SPDYE10: variants seen among roughly 807,000 people sequenced by gnomAD.
The protein encoded by SPDYE10 is speedy protein E10.
the SPDYE10 span, among the ~76,000 whole-genome samples, chr7:73,127,927 C>T: frequency 7.3e-6 from 1 of 136,660 alleles, no homozygotes; most frequent in African/African-American, 2.9e-5. Flanking sequence ...TCACCACCCT[C>T]TTATCCCAAC....
chr7:73,116,946 A>T, the SPDYE10 span, among the ~76,000 whole-genome samples: 1 of 150,568 alleles, frequency 6.6e-6, no homozygotes, highest in Non-Finnish European at 1.5e-5. Context: ...CCCAGGCTGG[A>T]GTGCAGTGGT....
chr7:73,137,630 G>GAAAGAAAGAAAGAAAGAAAGAAAGAAAGA, the SPDYE10 span, among the ~76,000 whole-genome samples: 5 of 136,540 alleles, frequency 3.7e-5, no homozygotes. Flanking sequence ...AAGAAAGAAA[G>GAAAGAAAGAAAGAAAGAAAGAAAGAAAGA]AAAGAAAGAA....
chr7:73,150,731 C>CA, the SPDYE10 span, among the ~76,000 whole-genome samples: 2 of 95,364 alleles, frequency 2.1e-5, no homozygotes, highest in Non-Finnish European at 4.1e-5. Context: ...CAAAAACAAA[C>CA]AAAAAAATAC....
chr7:73,104,322 TAATA>T, the SPDYE10 span: 1 of 99,254 alleles, frequency 1.0e-5, no homozygotes, highest in East Asian at 2.2e-4. Context: ...GCACGTGTAA[TAATA>T]GATACAAAGA....
the SPDYE10 span, among the ~76,000 whole-genome samples, chr7:73,149,477 C>T: frequency 1.0e-4 from 15 of 144,404 alleles, no homozygotes; most frequent in East Asian, 4.1e-4. Flanking sequence ...TCAGTAGAGA[C>T]GGGGTTTCAC....
At chr7:73,135,302 C>G in the SPDYE10 span, among the ~76,000 whole-genome samples, 12,190 of 133,984 alleles carry the variant, frequency 0.091, no homozygotes, top group Non-Finnish European at 0.14. Flanking sequence ...GACACACACC[C>G]GTTTCCTTCC....
At chr7:73,138,080 T>C in the SPDYE10 span, among the ~76,000 whole-genome samples, 1 of 152,252 alleles carries the variant, frequency 6.6e-6, no homozygotes, top group Non-Finnish European at 1.5e-5. Context: ...GGCACAGAGC[T>C]AGAAAAGAAG....
the SPDYE10 span, among the ~76,000 whole-genome samples, chr7:73,137,909 A>C: frequency 1.6e-5 from 2 of 124,054 alleles, no homozygotes; most frequent in Non-Finnish European, 3.3e-5. Flanking sequence ...GGGGAGGGGA[A>C]GGGAAGGGGA....
the SPDYE10 span, among the ~76,000 whole-genome samples, chr7:73,130,112 G>A: frequency 6.7e-6 from 1 of 149,848 alleles, no homozygotes; most frequent in Non-Finnish European, 1.5e-5. Context: ...CCAAAGTGTT[G>A]GGATTACAGG....
chr7:73,144,738 CA>C, the SPDYE10 span, among the ~76,000 whole-genome samples: 168 of 85,018 alleles, frequency 2.0e-3, no homozygotes, highest in Non-Finnish European at 1.7e-3. Context: ...GACCCTGTCT[CA>C]AAAAAAAAAA....
the SPDYE10 span, among the ~76,000 whole-genome samples, chr7:73,152,028 T>C: frequency 1.3e-5 from 2 of 151,594 alleles, no homozygotes; most frequent in African/African-American, 4.9e-5. Context: ...GTTTTTTTTT[T>C]TTTTGAGGCA....
At chr7:73,145,350 T>C in the SPDYE10 span, among the ~76,000 whole-genome samples, 1 of 138,982 alleles carries the variant, frequency 7.2e-6, no homozygotes, top group Non-Finnish European at 1.5e-5. Context: ...TCAGTTCCAG[T>C]GATTCTCCTG....
chr7:73,145,138 TTCTC>T, the SPDYE10 span, among the ~76,000 whole-genome samples: 4 of 145,224 alleles, frequency 2.8e-5, 1 homozygote, highest in African/African-American at 1.1e-4. Flanking sequence ...CTTTCTTTCT[TTCTC>T]TTTTTCTTTC....
At chr7:73,114,433 G>C in the SPDYE10 span, among the ~76,000 whole-genome samples, 2 of 149,290 alleles carry the variant, frequency 1.3e-5, no homozygotes, top group Admixed American at 7.0e-5. Flanking sequence ...GCACATATGA[G>C]AGAATACTTT....
chr7:73,142,977 A>C, the SPDYE10 span, among the ~76,000 whole-genome samples: 2 of 132,074 alleles, frequency 1.5e-5, no homozygotes, highest in Middle Eastern at 7.3e-3. Context: ...AGAGGGAGGG[A>C]GGGAGGAAGG....
At chr7:73,121,016 T>C in the SPDYE10 span, among the ~76,000 whole-genome samples, 5 of 151,314 alleles carry the variant, frequency 3.3e-5, no homozygotes, top group African/African-American at 1.2e-4. Flanking sequence ...GGTTTCACCA[T>C]GTTGGCCAGG....
At chr7:73,127,674 C>T in the SPDYE10 span, among the ~76,000 whole-genome samples, 4 of 103,544 alleles carry the variant, frequency 3.9e-5, 1 homozygote, top group African/African-American at 7.0e-5. Flanking sequence ...AGAATATGAA[C>T]AGGCAATTCA....
the SPDYE10 span, among the ~76,000 whole-genome samples, chr7:73,128,027 AT>A: frequency 6.8e-6 from 1 of 147,222 alleles, no homozygotes; most frequent in South Asian, 2.2e-4. Flanking sequence ...TTATTGCAAC[AT>A]TGTTTAAAAC....
the SPDYE10 span, among the ~76,000 whole-genome samples, chr7:73,152,018 G>GT: frequency 0.12 from 17,067 of 141,134 alleles, 170 homozygotes; most frequent in East Asian, 0.26. Flanking sequence ...TGTTTTTTGT[G>GT]TTTTTTTTTT....
Sources: allele counts gnomAD v4.1 joint callset (sites outside exome capture counted in the v4.1 genomes callset), GRCh38; gene constraint gnomAD v4.1.1; transcripts MANE v1.5; gene names NCBI Gene and HGNC (gene_info 2026-07-23, HGNC 2026-07-21).